The following SUN1 variants were observed in gnomAD, a reference collection of about 807,000 sequenced individuals.
The protein encoded by SUN1 is SUN domain-containing protein 1.
A neutral mutation model predicts 103.2 loss-of-function variants in SUN1; 61 were observed. The observed-to-expected ratio is 0.59, with a 90% CI of 0.48 to 0.73. SUN1 has a LOEUF of 0.73. Among genes scored for constraint, SUN1 ranks in the 30% least tolerant of loss-of-function variants. SUN1 has a pLI of 0.00. For synonymous variants in SUN1, 490 were observed against 425.7 expected (o/e 1.15, Z -1.86); for missense variants, 1,052 against 1,034.6 (o/e 1.02, Z -0.23).
In SUN1 at chr7:839,609, G is replaced by C; in HGVS notation, c.266+623G>C. Among the ~76,000 whole-genome samples, 2 of 48,670 alleles carry C rather than the reference G, an allele frequency of 4.1e-5. 1 individual carries two copies. Among genetic ancestry groups the C allele is most frequent in the Non-Finnish European group, 8.5e-5 (2 of 23,484 alleles). The allele number at this position is 48,670 out of a possible 152,430, so 31.9% of individuals were successfully genotyped here. On this transcript the variant is annotated intron_variant, in intron 2 of 18. Coordinates refer to ENST00000401592, the MANE Select transcript of SUN1 (RefSeq NM_001130965.3). ...TCGTTGCCCAGGCTGGAGTACAGTG[G>C]TGGCGTGATCTTGGCTCACTGCAGC...
At chr7:842,383 T>C (rs939595911) in intron 3 of SUN1, 11 of 520,090 alleles carry the variant, frequency 2.1e-5, no homozygotes, top group African/African-American at 1.2e-4. Flanking sequence ...CGGGTGGTCA[T>C]TGGGTTATGC....
intron 10 of SUN1, among the ~76,000 whole-genome samples, chr7:854,539 GGCGCTGGATGGC>G (rs1315330508): frequency 1.3e-5 from 2 of 152,226 alleles, no homozygotes; most frequent in African/African-American, 4.8e-5. Flanking sequence ...TGGCCCGAGG[GGCGCTGGATGGC>G]GTGCTGGAGA....
At chr7:845,494 C>CA in intron 5 of SUN1, among the ~76,000 whole-genome samples, 1 of 151,846 alleles carries the variant, frequency 6.6e-6, no homozygotes, top group Non-Finnish European at 1.5e-5. Flanking sequence ...ATTGGAAAAT[C>CA]AGACACAAAG....
chr7:850,484 A>C (rs1820832745), intron 5 of SUN1: 1 of 157,120 alleles, frequency 6.4e-6, no homozygotes, highest in African/African-American at 2.4e-5. Flanking sequence ...TCTTAAAAAA[A>C]AAGTTAGTTT....
At position 838,942 on chromosome 7, in the gene SUN1, C is replaced by T. The variant is rs1402764215; in HGVS notation, c.222C>T (p.Asp74=). The T allele has an allele frequency of 4.4e-6, 7 of 1,608,540 alleles. No individual in the cohort carries two copies. The highest frequency in any genetic ancestry group is 1.1e-5 in the South Asian group (1 of 89,460). The change falls in exon 2 of 19, where the codon GAC becomes GAT. Residue 74 remains aspartate, a synonymous_variant. Coordinates refer to ENST00000401592, the MANE Select transcript of SUN1 (RefSeq NM_001130965.3). ...GGGATGGTGAGGCTGTGGGTGCCGA[C>T]AGCGGCACCAGCAGCGCTGTCTCCC... The part of the protein sequence containing the change: ...TLGDGEAVGA[D]SGTSSAVSLK...
intron 2 of SUN1, among the ~76,000 whole-genome samples, chr7:840,932 C>T (rs1327402531): frequency 2.0e-5 from 3 of 151,614 alleles, no homozygotes; most frequent in South Asian, 2.1e-4. Flanking sequence ...TGAGCCACTG[C>T]GCCTGGCCCT....
At chr7:845,211 T>TG (rs910567492) in intron 5 of SUN1, among the ~76,000 whole-genome samples, 2 of 152,182 alleles carry the variant, frequency 1.3e-5, no homozygotes, top group Non-Finnish European at 2.9e-5. Context: ...AGCTCAGCCT[T>TG]GCGTTTGAGT....
At chr7:835,187 C>T (rs1161764079) in intron 1 of SUN1, among the ~76,000 whole-genome samples, 2 of 152,236 alleles carry the variant, frequency 1.3e-5, no homozygotes, top group East Asian at 3.8e-4. Context: ...GTGATGCATG[C>T]GGGTCTTCCG....
intron 9 of SUN1, 56 bp downstream of exon 9, chr7:853,008 C>T (rs982136200): frequency 7.1e-6 from 11 of 1,553,976 alleles, no homozygotes; most frequent in Non-Finnish European, 7.8e-6. Flanking sequence ...TCTTCAGGGA[C>T]GTTCCACACT....
rs575219579 is a variant in SUN1, at chr7:842,087, C to T, written c.408C>T (p.Asp136=). Residue 136 remains aspartate (D), a synonymous_variant, in exon 3 of 19, where the codon GAC becomes GAT. Transcript: ENST00000401592. The part of the protein sequence containing the change: ...DAVTRRPPVL[D]ESWIREQTTV... ...TGACTCGACGGCCTCCTGTATTGGA[C>T]GAGTCTTGGATTCGTGAACAGACCA... 1.7e-5 allele frequency: 28 copies of T among 1,614,204 alleles called. No homozygotes were observed. Among genetic ancestry groups the T allele is most frequent in the Admixed American group, 1.2e-4 (7 of 60,022 alleles).
Position 866,842 on chromosome 7 carries a change from G to A in SUN1, c.1980+775G>A, listed in dbSNP as rs371782673. ...TCCTGGACCTTCTGCTGTGGTCCTC[G>A]TTGTGCACTGCTTTTCTGTGGCTTC... On this transcript the variant is annotated intron_variant, in intron 16 of 18. Coordinates refer to ENST00000401592, the MANE Select transcript of SUN1 (RefSeq NM_001130965.3). 6.2e-5 allele frequency among the ~76,000 whole-genome samples: 9 copies of A among 144,528 alleles called. No homozygotes were observed. In the East Asian group the frequency reaches 1.0e-3, roughly 16 times the overall value. 94.8% of individuals were successfully genotyped at this position (144,528 alleles called of 152,430 possible). A position where few individuals can be genotyped will look rare whatever the true frequency, so the allele number is the denominator to read the frequency against.
At chr7:851,342 C>G (rs1210159367) in intron 5 of SUN1, 42 bp from the exon 6 acceptor site, 2 of 1,529,360 alleles carry the variant, frequency 1.3e-6, no homozygotes, top group Non-Finnish European at 1.8e-6. Flanking sequence ...AGAGGCTGGT[C>G]CCTGGCGTCT....
intron 16 of SUN1, among the ~76,000 whole-genome samples, chr7:866,947 A>T (rs182066494): frequency 6.6e-6 from 1 of 152,098 alleles, no homozygotes; most frequent in African/African-American, 2.4e-5. Context: ...TTTTGCCTCA[A>T]TACTCAAATC....
At chr7:853,145 T>G (rs1823846264) in intron 9 of SUN1, 193 bp downstream of exon 9, 1 of 788,458 alleles carries the variant, frequency 1.3e-6, no homozygotes, top group Non-Finnish European at 2.0e-6. Flanking sequence ...AGTACTCTCA[T>G]GATTCAGTTA....
chr7:828,975 C>T (rs1233162055), upstream of SUN1, among the ~76,000 whole-genome samples: 1 of 152,206 alleles, frequency 6.6e-6, no homozygotes, highest in African/African-American at 2.4e-5. Flanking sequence ...TTCCACCAGG[C>T]CAGGGACACA....
chr7:827,984 A>T (rs371847307), upstream of SUN1, among the ~76,000 whole-genome samples: 37 of 152,006 alleles, frequency 2.4e-4, no homozygotes, highest in African/African-American at 7.5e-4. Flanking sequence ...GGCTCACCGC[A>T]ACCTGCGCCT....
intron 17 of SUN1, 126 bp downstream of exon 17, chr7:869,642 G>A (rs1348041991): frequency 1.9e-5 from 22 of 1,137,364 alleles, no homozygotes; most frequent in Middle Eastern, 3.0e-4. Context: ...TCTCAGATTC[G>A]GTGTTGAGGG....
chr7:862,309 G>A (rs903997826), intron 15 of SUN1, among the ~76,000 whole-genome samples: 1 of 152,188 alleles, frequency 6.6e-6, no homozygotes, highest in Non-Finnish European at 1.5e-5. Flanking sequence ...TAAAACCCAC[G>A]ATGATGTAGG....
chr7:849,565 G>C, intron 5 of SUN1: 1 of 1,415,470 alleles, frequency 7.1e-7, no homozygotes, highest in Non-Finnish European at 9.5e-7. Flanking sequence ...GAGGTTCTCA[G>C]AGAGGATGGC....
Sources: gnomAD v4.1 joint callset for allele counts (sites outside exome capture counted in the v4.1 genomes callset) on GRCh38, gnomAD v4.1.1 for gene constraint, MANE v1.5 for transcripts, NCBI Gene and HGNC (gene_info 2026-07-23, HGNC 2026-07-21) for gene names.